Variants in ZNF385D observed in about 807,000 individuals in gnomAD.
The protein encoded by ZNF385D is zinc finger protein 659.
In ZNF385D, 15 loss-of-function variants were observed where a neutral mutation model predicts 35.8. The ratio of observed to expected loss-of-function variants is 0.42; its 90% CI spans 0.28 to 0.64. The LOEUF is 0.64. ZNF385D is among the 30% of genes least tolerant of loss of function. The probability of loss-of-function intolerance (pLI) is 0.23; values close to 1 mark genes in which losing one functional copy is unlikely to be tolerated. For missense variants in ZNF385D, 474 were observed against 494.6 expected (o/e 0.96, Z 0.39); for synonymous variants, 212 against 186.8 (o/e 1.13, Z -1.10).
At chr3:22,153,989 C>G (rs1396755100) in intron 3 of ZNF385D, among the ~76,000 whole-genome samples, 1 of 152,140 alleles carries the variant, frequency 6.6e-6, no homozygotes, top group Non-Finnish European at 1.5e-5. Flanking sequence ...AACTCATCAC[C>G]TTTAGTTTTA....
intron 2 of ZNF385D, among the ~76,000 whole-genome samples, chr3:22,342,970 A>G (rs184531401): frequency 6.6e-6 from 1 of 152,346 alleles, no homozygotes; most frequent in East Asian, 1.9e-4. Flanking sequence ...ACCAGTCCAA[A>G]TTGAGATGTG....
chr3:22,298,035 G>A (rs905526134), intron 2 of ZNF385D, among the ~76,000 whole-genome samples: 1 of 151,902 alleles, frequency 6.6e-6, no homozygotes, highest in East Asian at 1.9e-4. Context: ...AATGATGAAG[G>A]GTAGAGGGAA....
rs1408989267 is a variant in ZNF385D, at chr3:21,419,197, CCTTCCTTCCTTCCATT to C, written c.*2001_*2016del. The C allele has an allele frequency of 3.9e-5, 6 of 153,520 alleles. No individual in the cohort carries two copies. Among genetic ancestry groups the C allele is most frequent in the African/African-American group, 7.3e-5 (3 of 41,112 alleles). The allele number at this position is 153,520 out of a possible 1,614,324, so 9.5% of individuals were successfully genotyped here. On this transcript the variant is annotated 3_prime_UTR_variant, in exon 8 of 8. Transcript: ENST00000281523. ...TCCTTCCTTCCTTCCCTCCTTTCTTCCTTCCTTCCTTCCATTCTTCCTTCCTTCCTTCCTTCTTTCC... is the reference window on the plus strand; with the variant it reads ...TCCTTCCTTCCTTCCCTCCTTTCTTCCTTCCTTCCTTCCTTCCTTCTTTCC...
chr3:21,946,839 T>TA (rs1294874922), intron 3 of ZNF385D, among the ~76,000 whole-genome samples: 1 of 152,120 alleles, frequency 6.6e-6, no homozygotes, highest in African/African-American at 2.4e-5. Flanking sequence ...GTCTAAAAAG[T>TA]AAAAATAAAA....
chr3:22,327,109 G>A (rs9846050), intron 2 of ZNF385D, among the ~76,000 whole-genome samples: 73,165 of 151,878 alleles, frequency 0.48, 18,301 homozygotes, highest in Non-Finnish European at 0.55. Flanking sequence ...ATTGACTAAA[G>A]TGAATTCTGA....
chr3:21,879,640 C>A (rs955937474), intron 3 of ZNF385D, among the ~76,000 whole-genome samples: 8 of 151,880 alleles, frequency 5.3e-5, no homozygotes, highest in Non-Finnish European at 1.2e-4. Context: ...CACAGCACTT[C>A]AATTAAAAAA....
At chr3:22,240,183 CAAAA>C (rs66663088) in intron 2 of ZNF385D, among the ~76,000 whole-genome samples, 7 of 16,166 alleles carry the variant, frequency 4.3e-4, no homozygotes, top group African/African-American at 2.1e-3. Flanking sequence ...ACCCTGTCTC[CAAAA>C]AAAAAAAAAA....
chr3:21,969,314 G>T (rs1240876204), intron 3 of ZNF385D, among the ~76,000 whole-genome samples: 1 of 152,004 alleles, frequency 6.6e-6, no homozygotes, highest in African/African-American at 2.4e-5. Flanking sequence ...AGGTAATTGA[G>T]TCATGGGGGC....
At chr3:21,779,056 T>G (rs999429616) in intron 3 of ZNF385D, among the ~76,000 whole-genome samples, 7 of 151,934 alleles carry the variant, frequency 4.6e-5, no homozygotes, top group African/African-American at 1.2e-4. Flanking sequence ...GTGGCTGACA[T>G]AAAGGTACAC....
intron 3 of ZNF385D, among the ~76,000 whole-genome samples, chr3:21,862,365 T>C (rs1379436555): frequency 1.3e-5 from 2 of 151,388 alleles, no homozygotes; most frequent in Non-Finnish European, 2.9e-5. Flanking sequence ...ACTGAGAACA[T>C]ACTCAAAGTG....
intron 2 of ZNF385D, chr3:21,579,579 A>G (rs534847288): frequency 6.6e-6 from 1 of 152,292 alleles, no homozygotes; most frequent in Non-Finnish European, 1.5e-5. Context: ...AGAAAGTCCT[A>G]TATTGGCCTT....
chr3:22,019,034 CTTTTTTTTTTTTTTTTTT>C (rs11380195), intron 3 of ZNF385D, among the ~76,000 whole-genome samples: 1 of 64,458 alleles, frequency 1.6e-5, no homozygotes. Context: ...AGTTATTTAC[CTTTTTTTTTTTTTTTTTT>C]TTTTTTTTTT....
chr3:22,104,740 T>C (rs1702117234), intron 3 of ZNF385D, among the ~76,000 whole-genome samples: 1 of 152,120 alleles, frequency 6.6e-6, no homozygotes, highest in Non-Finnish European at 1.5e-5. Flanking sequence ...AAAGAATTGT[T>C]ATGGGAGATA....
rs779752040 is a variant in ZNF385D, at chr3:21,510,843, CA to C, written c.439+17del. 3.7e-6 allele frequency: 6 copies of C among 1,613,150 alleles called. No individual in the cohort carries two copies. The East Asian group carries it at 1.3e-4, about 36-fold the overall frequency. On this transcript the variant is annotated intron_variant, in intron 4 of 7. Transcript: ENST00000281523. ...ACGACGACGACGAGGACAACAACAA[CA>C]AAGATCATTGCTTAACCTGTTTTGT...
At chr3:21,860,028 C>T (rs1275043655) in intron 3 of ZNF385D, among the ~76,000 whole-genome samples, 1 of 151,992 alleles carries the variant, frequency 6.6e-6, no homozygotes, top group Admixed American at 6.6e-5. Flanking sequence ...ACTTGGAACC[C>T]ACTTTTTTGG....
intron 3 of ZNF385D, among the ~76,000 whole-genome samples, chr3:21,804,394 T>A (rs1581181): frequency 0.15 from 22,508 of 152,132 alleles, 2,104 homozygotes; most frequent in East Asian, 0.37. Context: ...CAGTGGACAG[T>A]AACGTTTTCA....
intron 1 of ZNF385D, among the ~76,000 whole-genome samples, chr3:21,671,395 C>T (rs1056585359): frequency 6.6e-6 from 1 of 152,094 alleles, no homozygotes; most frequent in Admixed American, 6.6e-5. Context: ...ATGGAATTGG[C>T]CAGCCAGGGT....
At chr3:22,043,904 G>A (rs974744851) in intron 3 of ZNF385D, among the ~76,000 whole-genome samples, 2 of 152,104 alleles carry the variant, frequency 1.3e-5, no homozygotes, top group Admixed American at 6.6e-5. Flanking sequence ...GCAAAGAAGT[G>A]AGGGAGGCCT....
intron 3 of ZNF385D, among the ~76,000 whole-genome samples, chr3:21,553,842 C>T (rs1437106545): frequency 3.3e-5 from 5 of 152,156 alleles, no homozygotes; most frequent in Admixed American, 2.6e-4. Context: ...TCAAAAGAAG[C>T]ATCTCCTCCA....
Sources: allele counts gnomAD v4.1 joint callset (sites outside exome capture counted in the v4.1 genomes callset), GRCh38; gene constraint gnomAD v4.1.1; transcripts MANE v1.5; gene names NCBI Gene and HGNC (gene_info 2026-07-23, HGNC 2026-07-21).